The following ERP44 variants were observed in gnomAD, a reference collection of about 807,000 sequenced individuals.
The protein encoded by ERP44 is endoplasmic reticulum resident protein 44.
ERP44 carries 25 observed loss-of-function variants against 53.4 expected under a neutral mutation model. That is an observed-to-expected ratio of 0.47 (90% CI 0.34 to 0.65). ERP44 has a LOEUF of 0.65. Among genes scored for constraint, ERP44 ranks in the 30% least tolerant of loss-of-function variants. The pLI is 0.01. For synonymous variants in ERP44, 145 were observed against 161.2 expected (o/e 0.90, Z 0.76); for missense variants, 338 against 493.2 (o/e 0.69, Z 2.98).
At chr9:100,063,964 T>C (rs1826184257) in intron 1 of ERP44, among the ~76,000 whole-genome samples, 1 of 152,152 alleles carries the variant, frequency 6.6e-6, no homozygotes. Flanking sequence ...CATACCCAAA[T>C]TCATTTAAAA....
intron 1 of ERP44, among the ~76,000 whole-genome samples, chr9:100,095,380 G>A (rs1203276740): frequency 6.6e-6 from 1 of 152,104 alleles, no homozygotes; most frequent in Non-Finnish European, 1.5e-5. Flanking sequence ...AGTTTTATAA[G>A]TGACATATGA....
At chr9:100,071,937 C>A (rs1371928219) in intron 1 of ERP44, among the ~76,000 whole-genome samples, 2 of 151,982 alleles carry the variant, frequency 1.3e-5, no homozygotes, top group East Asian at 3.9e-4. Flanking sequence ...AAAAAATAAA[C>A]CTCTGTGTTT....
At chr9:100,082,098 T>C (rs929052773) in intron 1 of ERP44, among the ~76,000 whole-genome samples, 1 of 151,716 alleles carries the variant, frequency 6.6e-6, no homozygotes, top group Non-Finnish European at 1.5e-5. Context: ...AACAAAAAAA[T>C]GTAAAAAAGC....
At chr9:100,050,711 TC>T (rs1243926396) in intron 4 of ERP44, among the ~76,000 whole-genome samples, 1 of 152,190 alleles carries the variant, frequency 6.6e-6, no homozygotes, top group Non-Finnish European at 1.5e-5. Context: ...GCATAATACC[TC>T]AGATAACTTG....
At chr9:100,086,748 C>A (rs1826488945) in intron 1 of ERP44, among the ~76,000 whole-genome samples, 1 of 152,130 alleles carries the variant, frequency 6.6e-6, no homozygotes, top group Non-Finnish European at 1.5e-5. Context: ...GTCACTCTAC[C>A]TTCTAGTACT....
intron 3 of ERP44, among the ~76,000 whole-genome samples, chr9:100,054,333 A>T (rs1826068061): frequency 6.6e-6 from 1 of 152,144 alleles, no homozygotes; most frequent in African/African-American, 2.4e-5. Context: ...AGGGCAAGGG[A>T]GGCAAGGAGT....
chr9:100,056,175 G>A (rs559148202), intron 3 of ERP44, among the ~76,000 whole-genome samples: 3 of 152,170 alleles, frequency 2.0e-5, no homozygotes, highest in Admixed American at 6.5e-5. Context: ...GGGTAACCTT[G>A]GGAAAGTACT....
At chr9:100,098,032 T>C (rs1371441190) in intron 1 of ERP44, among the ~76,000 whole-genome samples, 3 of 152,202 alleles carry the variant, frequency 2.0e-5, no homozygotes, top group African/African-American at 4.8e-5. Flanking sequence ...CTGGATCAAT[T>C]AGTCTGCACA....
intron 10 of ERP44, among the ~76,000 whole-genome samples, chr9:99,987,511 C>G (rs1329547772): frequency 6.6e-6 from 1 of 152,158 alleles, no homozygotes; most frequent in Admixed American, 6.5e-5. Flanking sequence ...TATGAACAAA[C>G]TTTGACAAAT....
At chr9:100,047,391 A>C (rs923830971) in intron 4 of ERP44, among the ~76,000 whole-genome samples, 1 of 152,210 alleles carries the variant, frequency 6.6e-6, no homozygotes, top group Non-Finnish European at 1.5e-5. Context: ...CATGGTACAG[A>C]GTCCAGAAAT....
At position 99,994,895 on chromosome 9, in the gene ERP44, A is replaced by G. The variant is rs137924882; in HGVS notation, c.1017-9826T>C. Reference sequence around the variant, plus strand: ...ATCTGGTTGTCTATATCTACAATGAATCTAGCTGAGATTTTGACTGGGATC... The same window carrying G: ...ATCTGGTTGTCTATATCTACAATGAGTCTAGCTGAGATTTTGACTGGGATC... On this transcript the variant is annotated intron_variant, in intron 10 of 11. Coordinates refer to ENST00000262455, the MANE Select transcript of ERP44 (RefSeq NM_015051.3). 1.0e-3 allele frequency among the ~76,000 whole-genome samples: 154 copies of G among 152,312 alleles called. 2 individuals are homozygous for G. In the East Asian group the frequency reaches 0.011, roughly 10 times the overall value.
intron 1 of ERP44, among the ~76,000 whole-genome samples, chr9:100,095,264 A>C (rs967938438): frequency 5.3e-5 from 8 of 152,162 alleles, no homozygotes; most frequent in Non-Finnish European, 1.0e-4. Flanking sequence ...CAAGGATGCA[A>C]TCAGCAATAT....
chr9:100,013,513 C>G, intron 8 of ERP44, among the ~76,000 whole-genome samples: 1 of 151,874 alleles, frequency 6.6e-6, no homozygotes, highest in South Asian at 2.1e-4. Flanking sequence ...TTTTCTTCTA[C>G]GACCATCTGT....
At chr9:100,081,792 A>G (rs1165685007) in intron 1 of ERP44, among the ~76,000 whole-genome samples, 1 of 152,208 alleles carries the variant, frequency 6.6e-6, no homozygotes, top group Non-Finnish European at 1.5e-5. Context: ...TTTAACATTC[A>G]TTTAACATTT....
At chr9:100,024,550 T>C (rs1326833562) in intron 4 of ERP44, among the ~76,000 whole-genome samples, 1 of 148,526 alleles carries the variant, frequency 6.7e-6, no homozygotes, top group Non-Finnish European at 1.5e-5. Flanking sequence ...CAGGGATGAA[T>C]TCCCTGACTA....
At chr9:100,067,562 C>A (rs1826229378) in intron 1 of ERP44, among the ~76,000 whole-genome samples, 1 of 152,232 alleles carries the variant, frequency 6.6e-6, no homozygotes, top group South Asian at 2.1e-4. Flanking sequence ...TCCCAGCCGC[C>A]TGCCTTGGCC....
chr9:100,079,946 A>C (rs953250490), intron 1 of ERP44, among the ~76,000 whole-genome samples: 15 of 150,704 alleles, frequency 1.0e-4, no homozygotes, highest in South Asian at 2.1e-4. Flanking sequence ...AAAAAAACAA[A>C]AAAAAAAAAA....
chr9:100,043,288 A>AG, intron 4 of ERP44, among the ~76,000 whole-genome samples: 1 of 147,422 alleles, frequency 6.8e-6, no homozygotes, highest in Non-Finnish European at 1.5e-5. Context: ...AAAAAAAAAA[A>AG]AAAGATAAAT....
chr9:100,048,517 A>G (rs1400868141), intron 4 of ERP44, among the ~76,000 whole-genome samples: 6 of 152,154 alleles, frequency 3.9e-5, no homozygotes, highest in Non-Finnish European at 5.9e-5. Flanking sequence ...TCCTGGATAT[A>G]TATTAAAAAA....
Sources: gnomAD v4.1 joint callset for allele counts (sites outside exome capture counted in the v4.1 genomes callset) on GRCh38, gnomAD v4.1.1 for gene constraint, MANE v1.5 for transcripts, NCBI Gene and HGNC (gene_info 2026-07-23, HGNC 2026-07-21) for gene names.